Variants in AGFG1 observed in about 807,000 individuals in gnomAD.
AGFG1 encodes the protein ArfGAP with FG repeats 1.
In AGFG1, 10 loss-of-function variants were observed where a neutral mutation model predicts 60.6. The observed-to-expected ratio is 0.16, with a 90% CI of 0.10 to 0.28. The LOEUF (loss-of-function observed/expected upper bound fraction) is 0.28. Among genes scored for constraint, AGFG1 ranks in the 10% least tolerant of loss-of-function variants. The pLI, the probability that AGFG1 is intolerant of heterozygous loss-of-function variation, is 1.00. For missense variants in AGFG1, 537 were observed against 676.5 expected, an observed-to-expected ratio of 0.79 and a Z score of 2.29; for synonymous variants, 247 against 242.9, an observed-to-expected ratio of 1.02 and a Z score of -0.16.
At chr2:227,495,981 G>T (rs889688431) in intron 2 of AGFG1, among the ~76,000 whole-genome samples, 1 of 151,456 alleles carries the variant, frequency 6.6e-6, no homozygotes, top group Non-Finnish European at 1.5e-5. Context: ...AGCCAGGCAT[G>T]GTGGTGTGTG....
intron 2 of AGFG1, among the ~76,000 whole-genome samples, chr2:227,503,638 G>C (rs1004847677): frequency 3.3e-5 from 5 of 152,154 alleles, no homozygotes; most frequent in Non-Finnish European, 7.3e-5. Flanking sequence ...AGTCACCTTT[G>C]ACCAGCTGCC....
At chr2:227,541,440 C>T (rs2106231528) in intron 10 of AGFG1, among the ~76,000 whole-genome samples, 1 of 152,236 alleles carries the variant, frequency 6.6e-6, no homozygotes, top group African/African-American at 2.4e-5. Context: ...AGCACCGTTT[C>T]TTAAATAGTG....
In AGFG1 at chr2:227,491,558, A is replaced by G. The variant is rs775251785; in HGVS notation, c.179A>G (p.Asn60Ser). 1.3e-6 allele frequency: 2 copies of G among 1,542,984 alleles called. No individual in the cohort carries two copies. Among genetic ancestry groups the G allele is most frequent in the African/African-American group, 1.4e-5 (1 of 71,596 alleles). ...TSCSGSLRGL[N>S]PPHRVKSISM... ...ATTTTATCTTTTAGGCGAGGATTAAATCCACCACACAGGGTGAAATCTATC... is the reference window on the plus strand; with the variant it reads ...ATTTTATCTTTTAGGCGAGGATTAAGTCCACCACACAGGGTGAAATCTATC... The change falls in exon 2 of 13, where the codon AAT becomes AGT. Residue 60 changes from asparagine to serine, a missense_variant. Asn to Ser is a conservative substitution (Grantham distance 46). Around this residue, in one of 4 missense-constraint regions of AGFG1, gnomAD observed 120 missense variants for 198.5 expected, o/e 0.60. Transcript: ENST00000310078.
intron 2 of AGFG1, among the ~76,000 whole-genome samples, chr2:227,507,305 C>G (rs1212829846): frequency 6.6e-6 from 1 of 152,068 alleles, no homozygotes; most frequent in Non-Finnish European, 1.5e-5. Flanking sequence ...TGGCTCCTAC[C>G]TAACAAGGCA....
At chr2:227,478,318 C>T (rs1444039346) in intron 1 of AGFG1, among the ~76,000 whole-genome samples, 3 of 150,080 alleles carry the variant, frequency 2.0e-5, no homozygotes, top group African/African-American at 7.3e-5. Flanking sequence ...ATATATTTAG[C>T]AAGCATAGGT....
chr2:227,523,419 T>C lies in AGFG1; in HGVS notation c.378-344T>C, dbSNP rs576031308. On this transcript the variant is annotated intron_variant, in intron 3 of 12. Transcript: ENST00000310078. ...GATCTTAAGATAATTTTAAAAATTATAGTATGAACTATTCATGGTGATGAC... is the reference window on the plus strand; with the variant it reads ...GATCTTAAGATAATTTTAAAAATTACAGTATGAACTATTCATGGTGATGAC... Among the ~76,000 whole-genome samples, 12 of 152,300 alleles carry C rather than the reference T, an allele frequency of 7.9e-5. No individual in the cohort carries two copies. In the South Asian group the frequency reaches 1.9e-3, roughly 24 times the overall value.
chr2:227,494,543 G>C (rs1690919697), intron 2 of AGFG1, among the ~76,000 whole-genome samples: 1 of 152,190 alleles, frequency 6.6e-6, no homozygotes, highest in Non-Finnish European at 1.5e-5. Flanking sequence ...ATCCCCACCA[G>C]GGAGTTTTAG....
rs532247326 is a variant in AGFG1 at position 227,560,238 on chromosome 2, T to G, written c.*5743T>G. The G allele has an allele frequency of 3.3e-5, 5 of 152,258 alleles. No individual in the cohort carries two copies. The East Asian group carries it at 9.6e-4, about 29-fold the overall frequency. The allele number at this position is 152,258 out of a possible 1,614,324, so 9.4% of individuals were successfully genotyped here. A position where few individuals can be genotyped will look rare whatever the true frequency, so the allele number is the denominator to read the frequency against. On this transcript the variant is annotated 3_prime_UTR_variant, in exon 13 of 13. Coordinates refer to ENST00000310078, the MANE Select transcript of AGFG1 (RefSeq NM_004504.5). Reference sequence around the variant, plus strand: ...ATGTCCCTTTGGGAGAACATTTGTTTATAGACTTTTCTACTAAAAATATTG... The same window carrying G: ...ATGTCCCTTTGGGAGAACATTTGTTGATAGACTTTTCTACTAAAAATATTG...
In AGFG1 at chr2:227,523,771, C is replaced by G; in HGVS notation, c.386C>G (p.Pro129Arg). 2 of 1,610,928 alleles carry G rather than the reference C, an allele frequency of 1.2e-6. No homozygotes were observed. Among genetic ancestry groups the G allele is most frequent in the Admixed American group, 3.3e-5 (2 of 59,904 alleles). Residue 129 changes from proline to arginine, a missense_variant, in exon 4 of 13, where the codon CCG becomes CGG. Pro to Arg is a moderately radical substitution (Grantham distance 103). Around this residue, in one of 4 missense-constraint regions of AGFG1, gnomAD observed 120 missense variants for 198.5 expected, o/e 0.60. Coordinates refer to ENST00000310078, the MANE Select transcript of AGFG1 (RefSeq NM_004504.5). ...EKYEKKRWYVPPEQAKVVASV... is the reference protein window; with the variant it reads ...EKYEKKRWYVRPEQAKVVASV... ...TTTTTTACATGTTTTAGGTATGTCC[C>G]GCCAGAACAAGCCAAAGTCGTGGCA...
intron 3 of AGFG1, among the ~76,000 whole-genome samples, chr2:227,523,053 A>G (rs1044993658): frequency 2.6e-5 from 4 of 152,200 alleles, no homozygotes; most frequent in Admixed American, 1.3e-4. Context: ...GTTAACATCC[A>G]TGTGTACATG....
chr2:227,559,299 G>A lies in AGFG1; in HGVS notation c.*4804G>A, dbSNP rs1447510614. 6.6e-6 allele frequency: 1 copy of A among 152,114 alleles called. No individual in the cohort carries two copies. The highest frequency in any genetic ancestry group is 2.4e-5 in the African/African-American group (1 of 41,434). 9.4% of individuals were successfully genotyped at this position (152,114 alleles called of 1,614,324 possible). Reference sequence around the variant, plus strand: ...TCTCAAACATTCACATGTTTTTCAAGGCCTTGGAGTTGGCAAATCCTGAAT... The same window carrying A: ...TCTCAAACATTCACATGTTTTTCAAAGCCTTGGAGTTGGCAAATCCTGAAT... On this transcript the variant is annotated 3_prime_UTR_variant, in exon 13 of 13. Coordinates refer to ENST00000310078, the MANE Select transcript of AGFG1 (RefSeq NM_004504.5).
intron 5 of AGFG1, among the ~76,000 whole-genome samples, chr2:227,526,596 G>A (rs1692002778): frequency 7.4e-6 from 1 of 135,300 alleles, no homozygotes; most frequent in Non-Finnish European, 1.5e-5. Context: ...ACACTGGTGT[G>A]CAGTGGCACA....
intron 3 of AGFG1, among the ~76,000 whole-genome samples, chr2:227,520,380 A>G (rs577047348): frequency 6.6e-6 from 1 of 152,336 alleles, no homozygotes; most frequent in East Asian, 1.9e-4. Context: ...CCGTTCTTAA[A>G]AATCATTAAT....
chr2:227,545,719 C>T (rs1692626509), intron 10 of AGFG1, among the ~76,000 whole-genome samples: 1 of 152,178 alleles, frequency 6.6e-6, no homozygotes, highest in Non-Finnish European at 1.5e-5. Context: ...ACAGTCAGGA[C>T]CCTCAGCTGC....
intron 1 of AGFG1, among the ~76,000 whole-genome samples, chr2:227,476,370 A>G (rs1438320151): frequency 2.0e-5 from 3 of 152,220 alleles, no homozygotes; most frequent in Non-Finnish European, 4.4e-5. Context: ...CTAGTTTTAG[A>G]CTAAATTATT....
intron 1 of AGFG1, among the ~76,000 whole-genome samples, chr2:227,477,741 G>T (rs1690328148): frequency 6.6e-6 from 1 of 152,074 alleles, no homozygotes; most frequent in Non-Finnish European, 1.5e-5. Context: ...AAGCAGCTGG[G>T]ATTACAGGCA....
In AGFG1 at chr2:227,536,964, C is replaced by T; in HGVS notation, c.1349C>T (p.Pro450Leu). The change falls in exon 10 of 13, where the codon CCA becomes CTA. Residue 450 changes from proline to leucine, a missense_variant. By Grantham distance (98) the Pro-to-Leu change is moderately conservative. This residue lies in a region of AGFG1 where 287 missense variants were observed against 343.6 expected (regional missense o/e 0.84). Coordinates refer to ENST00000310078, the MANE Select transcript of AGFG1 (RefSeq NM_004504.5). ...AGPSVASSTN[P>L]FQTNARGATA... The stretch of plus-strand genomic sequence containing the variant: ...CCTTCTGTGGCATCTTCTACAAACC[C>T]ATTTCAGACCAATGCCAGAGGAGCA... 6.2e-7 allele frequency: 1 copy of T among 1,612,950 alleles called. No homozygotes were observed. Among genetic ancestry groups the T allele is most frequent in the Non-Finnish European group, 8.5e-7 (1 of 1,179,288 alleles).
At chr2:227,509,054 AAC>A (rs1293109268) in intron 2 of AGFG1, among the ~76,000 whole-genome samples, 8 of 152,210 alleles carry the variant, frequency 5.3e-5, no homozygotes, top group African/African-American at 1.9e-4. Flanking sequence ...ACATGTAGAA[AAC>A]AGTCTCAAAA....
At chr2:227,501,272 G>A (rs1422382087) in intron 2 of AGFG1, among the ~76,000 whole-genome samples, 19 of 152,090 alleles carry the variant, frequency 1.2e-4, no homozygotes, top group African/African-American at 4.8e-5. Flanking sequence ...GTAGAGATGG[G>A]GTTTTGCCAT....
Sources: gnomAD v4.1 joint callset for allele counts (sites outside exome capture counted in the v4.1 genomes callset) on GRCh38, gnomAD v4.1.1 for gene constraint, gnomAD v4.1.1 regional missense constraint, MANE v1.5 for transcripts, NCBI Gene and HGNC (gene_info 2026-07-23, HGNC 2026-07-21) for gene names.